The following ZNF44 variants were observed in gnomAD, a reference collection of about 807,000 sequenced individuals.
ZNF44 encodes gonadotropin inducible transcription repressor-2.
In ZNF44, 9 loss-of-function variants were observed where a neutral mutation model predicts 11.7. That is an observed-to-expected ratio of 0.77 (90% CI 0.46 to 1.35). The LOEUF (loss-of-function observed/expected upper bound fraction) is 1.35, where lower values mean the gene tolerates loss of function less well. Ranked by LOEUF, ZNF44 falls within the 40% of genes most tolerant of loss-of-function variation. ZNF44 has a pLI of 0.00. For synonymous variants in ZNF44, 224 were observed against 242.7 expected, an observed-to-expected ratio of 0.92 and a Z score of 0.72; for missense variants, 696 against 743.1, an observed-to-expected ratio of 0.94 and a Z score of 0.74.
upstream of ZNF44, among the ~76,000 whole-genome samples, chr19:12,238,302 C>G (rs1942379697): frequency 6.6e-6 from 1 of 151,754 alleles, no homozygotes. Flanking sequence ...CCGCTCTGGC[C>G]AACATGGTGA....
At chr19:12,291,250 C>A (rs1599552717) in intron 1 of ZNF44, 1 of 455,384 alleles carries the variant, frequency 2.2e-6, no homozygotes, top group East Asian at 7.0e-5. Context: ...AGTTCTCCAG[C>A]CTAAAAAGAA....
At chr19:12,242,607 G>C (rs1330208324) in intron 6 of ZNF44, 4 of 144,140 alleles carry the variant, frequency 2.8e-5, no homozygotes, top group Non-Finnish European at 4.5e-5. Context: ...AAGATCCCTT[G>C]AGCCCAGGAA....
rs567558394 is a variant in ZNF44, at chr19:12,273,621, A to G, written c.634T>C (p.Leu212=). Residue 212 remains leucine, a synonymous_variant, in exon 4 of 4, where the codon TTA becomes CTA. Coordinates refer to ENST00000355684, the MANE Select transcript of ZNF44 (RefSeq NM_016264.4). ...CGKAFFWPSL[L]RMHERTHTGE... is the part of the protein sequence containing the mutation. ...GTGTGAGTTCTTTCATGCATACGTA[A>G]TAAACTGGGCCAAAAAAAGGCTTTC... 1 of 1,614,130 alleles carries G rather than the reference A, an allele frequency of 6.2e-7. No homozygotes were observed. The highest frequency in any genetic ancestry group is 1.7e-5 in the Admixed American group (1 of 60,018).
At chr19:12,238,745 G>A (rs557300211), upstream of ZNF44, among the ~76,000 whole-genome samples, 162 of 151,824 alleles carry the variant, frequency 1.1e-3, no homozygotes, top group Admixed American at 3.5e-3. Flanking sequence ...GCAGTGAGCC[G>A]AGATCGTGCC....
intron 1 of ZNF44, among the ~76,000 whole-genome samples, chr19:12,292,018 GAA>G (rs1332809375): frequency 6.7e-6 from 1 of 149,982 alleles, no homozygotes; most frequent in African/African-American, 2.4e-5. Context: ...GAAAAGAAAA[GAA>G]AAAAAGTTTT....
chr19:12,242,055 G>A (rs1201170035), upstream of ZNF44, among the ~76,000 whole-genome samples: 1 of 152,120 alleles, frequency 6.6e-6, no homozygotes, highest in African/African-American at 2.4e-5. Flanking sequence ...GAGGAATAGG[G>A]AATGGTTGTT....
At chr19:12,262,340 A>G (rs1455005273) in intron 5 of ZNF44, among the ~76,000 whole-genome samples, 2 of 151,778 alleles carry the variant, frequency 1.3e-5, no homozygotes, top group Admixed American at 6.6e-5. Context: ...GTGTGACCTC[A>G]GCTCACTGCA....
chr19:12,253,741 G>A (rs1917122468), intron 5 of ZNF44, among the ~76,000 whole-genome samples: 1 of 151,986 alleles, frequency 6.6e-6, no homozygotes. Context: ...GCACTTTGGG[G>A]ATGCTGAGGT....
chr19:12,294,004 C>T (rs1292247215), intron 1 of ZNF44, among the ~76,000 whole-genome samples: 134 of 152,382 alleles, frequency 8.8e-4, no homozygotes, highest in African/African-American at 3.0e-3. Context: ...CACAGGAAGC[C>T]GCCTCCCTGA....
At chr19:12,239,566 G>GC (rs1916535124), upstream of ZNF44, among the ~76,000 whole-genome samples, 1 of 129,974 alleles carries the variant, frequency 7.7e-6, no homozygotes, top group Non-Finnish European at 1.6e-5. Context: ...AGCCCAAGTT[G>GC]CATTTTTTTT....
At chr19:12,288,776 A>G (rs1436415466) in intron 1 of ZNF44, among the ~76,000 whole-genome samples, 6 of 25,336 alleles carry the variant, frequency 2.4e-4, no homozygotes, top group South Asian at 2.6e-3. Flanking sequence ...AAAAAAATGT[A>G]TATATATATA....
At chr19:12,253,148 C>G (rs548386903) in intron 5 of ZNF44, among the ~76,000 whole-genome samples, 1 of 150,210 alleles carries the variant, frequency 6.7e-6, no homozygotes, top group Non-Finnish European at 1.5e-5. Context: ...CTCAGCCGCC[C>G]GAAGTGCTGG....
chr19:12,272,402 T>C lies in ZNF44; in HGVS notation c.*5A>G. 1 of 1,523,024 alleles carries C rather than the reference T, an allele frequency of 6.6e-7. No homozygotes were observed. The highest frequency in any genetic ancestry group is 8.8e-7 in the Non-Finnish European group (1 of 1,139,486). The allele number at this position is 1,523,024 out of a possible 1,614,324, so 94.3% of individuals were successfully genotyped here. ...CCAATGAATGCTTTCCCACATTCCA[T>C]ACACTTATAGAATATCCTTCCAGTG... On this transcript the variant is annotated 3_prime_UTR_variant, in exon 4 of 4. Transcript: ENST00000355684.
At chr19:12,288,771 A>AAGGTATATATATAT (rs1555744570) in intron 1 of ZNF44, among the ~76,000 whole-genome samples, 1 of 38,368 alleles carries the variant, frequency 2.6e-5, no homozygotes, top group Non-Finnish European at 4.5e-5. Context: ...AAAAAAAAAA[A>AAGGTATATATATAT]ATGTATATAT....
At chr19:12,227,516 G>T (rs1298127466) in intron 3 of ZNF44, among the ~76,000 whole-genome samples, 1 of 152,198 alleles carries the variant, frequency 6.6e-6, no homozygotes, top group Non-Finnish European at 1.5e-5. Context: ...TGAGGCAAGA[G>T]AATTGCTTGA....
chr19:12,288,771 A>AATGTAT (rs1555744569), intron 1 of ZNF44, among the ~76,000 whole-genome samples: 1 of 38,368 alleles, frequency 2.6e-5, no homozygotes, highest in Non-Finnish European at 4.5e-5. Context: ...AAAAAAAAAA[A>AATGTAT]ATGTATATAT....
chr19:12,272,712 G>T lies in ZNF44; in HGVS notation c.1543C>A (p.Arg515Ser), dbSNP rs772551940. The T allele has an allele frequency of 2.5e-6, 4 of 1,613,340 alleles. No homozygotes were observed. In the African/African-American group the frequency reaches 5.3e-5, roughly 22 times the overall value. ...ECQICGKAFS[R>S]FSYLKTHERT... ...TCATGAGTTTTTAAGTAACTGAAAC[G>T]ACTGAAGGCTTTGCCACAAATTTGA... The change falls in exon 4 of 4, where the codon CGT (arginine) becomes AGT (serine). Residue 515 changes from arginine to serine, a missense_variant. Coordinates refer to ENST00000355684, the MANE Select transcript of ZNF44 (RefSeq NM_016264.4).
chr19:12,284,401 G>A (rs754631354), intron 1 of ZNF44: 4 of 622,672 alleles, frequency 6.4e-6, no homozygotes, highest in South Asian at 3.0e-5. Flanking sequence ...ATGGGGAACC[G>A]CAGTGGCTTC....
exon 8 of ZNF44, chr19:12,248,509 G>A (rs1332950661): frequency 1.5e-6 from 2 of 1,290,760 alleles, no homozygotes; most frequent in Non-Finnish European, 2.0e-6. Flanking sequence ...GATCTAATGT[G>A]CCTGTTAAGG....
Sources: gnomAD v4.1 joint callset for allele counts (sites outside exome capture counted in the v4.1 genomes callset) on GRCh38, gnomAD v4.1.1 for gene constraint, MANE v1.5 for transcripts, NCBI Gene and HGNC (gene_info 2026-07-23, HGNC 2026-07-21) for gene names.